SYNDIG1: variants seen among roughly 807,000 people sequenced by gnomAD.
The protein encoded by SYNDIG1 is synapse differentiation inducing 1.
SYNDIG1 carries 9 observed loss-of-function variants against 19.4 expected under a neutral mutation model. The observed-to-expected ratio is 0.46, with a 90% CI of 0.28 to 0.81. The LOEUF (loss-of-function observed/expected upper bound fraction) is 0.81, where lower values mean the gene tolerates loss of function less well. Among genes scored for constraint, SYNDIG1 ranks in the 30% least tolerant of loss-of-function variants. The probability of loss-of-function intolerance (pLI) is 0.12; values close to 1 mark genes in which losing one functional copy is unlikely to be tolerated. For synonymous variants in SYNDIG1, 141 were observed against 145.9 expected (o/e 0.97, Z 0.24); for missense variants, 311 against 343.3 (o/e 0.91, Z 0.74).
At chr20:24,576,638 C>T (rs933891145) in intron 2 of SYNDIG1, among the ~76,000 whole-genome samples, 2 of 152,322 alleles carry the variant, frequency 1.3e-5, no homozygotes, top group South Asian at 2.1e-4. Context: ...AAGGGAGTCA[C>T]AGACATGAAC....
intron 1 of SYNDIG1, among the ~76,000 whole-genome samples, chr20:24,481,463 G>A (rs1018311466): frequency 1.1e-4 from 17 of 152,174 alleles, no homozygotes; most frequent in East Asian, 3.8e-4. Context: ...TTCATATGCC[G>A]AGGCTTCTGC....
intron 1 of SYNDIG1, among the ~76,000 whole-genome samples, chr20:24,497,308 C>T (rs1472806955): frequency 1.3e-5 from 2 of 152,128 alleles, no homozygotes; most frequent in African/African-American, 4.8e-5. Flanking sequence ...TCGAGCAATT[C>T]TTGTGCCTTG....
chr20:24,590,160 G>A (rs908181420), intron 3 of SYNDIG1, among the ~76,000 whole-genome samples: 11 of 152,218 alleles, frequency 7.2e-5, no homozygotes, highest in African/African-American at 2.4e-4. Context: ...GGAGAGGATG[G>A]TGTCTTCTGA....
chr20:24,527,253 T>C (rs1178733658), intron 1 of SYNDIG1, among the ~76,000 whole-genome samples: 2 of 152,336 alleles, frequency 1.3e-5, no homozygotes, highest in East Asian at 3.9e-4. Flanking sequence ...GATTACATTT[T>C]TTTTCTTAGC....
chr20:24,579,767 C>T (rs2058292032), intron 2 of SYNDIG1, among the ~76,000 whole-genome samples: 1 of 152,200 alleles, frequency 6.6e-6, no homozygotes, highest in East Asian at 1.9e-4. Flanking sequence ...GCGTGAGATG[C>T]TCACCAGAGT....
intron 2 of SYNDIG1, among the ~76,000 whole-genome samples, chr20:24,552,613 T>G (rs1449107716): frequency 6.6e-6 from 1 of 152,126 alleles, no homozygotes; most frequent in Non-Finnish European, 1.5e-5. Context: ...TCCAATTTCA[T>G]CCATGTCCCT....
intron 3 of SYNDIG1, among the ~76,000 whole-genome samples, chr20:24,611,264 C>A (rs369816536): frequency 6.6e-6 from 1 of 152,162 alleles, no homozygotes; most frequent in Non-Finnish European, 1.5e-5. Flanking sequence ...GTTCTCATGA[C>A]CTGCCTCTTT....
chr20:24,605,973 C>T (rs1042965611), intron 3 of SYNDIG1, among the ~76,000 whole-genome samples: 2 of 152,318 alleles, frequency 1.3e-5, no homozygotes, highest in African/African-American at 2.4e-5. Context: ...AGCATGCCTC[C>T]GACAGTAAAG....
chr20:24,502,533 C>T (rs2146391624), intron 1 of SYNDIG1, among the ~76,000 whole-genome samples: 1 of 152,354 alleles, frequency 6.6e-6, no homozygotes, highest in Middle Eastern at 3.4e-3. Context: ...TCAGAATCCT[C>T]ACCCTTGAAT....
At chr20:24,486,837 T>C (rs1350166330) in intron 1 of SYNDIG1, among the ~76,000 whole-genome samples, 1 of 152,100 alleles carries the variant, frequency 6.6e-6, no homozygotes, top group African/African-American at 2.4e-5. Flanking sequence ...TTTTGTATTT[T>C]TAGTAGAGAC....
intron 3 of SYNDIG1, among the ~76,000 whole-genome samples, chr20:24,637,358 G>C (rs562454102): frequency 6.6e-6 from 1 of 152,054 alleles, no homozygotes. Context: ...TCCCTTCCAC[G>C]TCCCCTCCCT....
chr20:24,590,295 C>T (rs1480409701), intron 3 of SYNDIG1, among the ~76,000 whole-genome samples: 5 of 146,170 alleles, frequency 3.4e-5, no homozygotes, highest in African/African-American at 1.3e-4. Context: ...GGCTGGGGGC[C>T]GCGGGTGTGG....
chr20:24,513,797 A>G (rs188420750), intron 1 of SYNDIG1, among the ~76,000 whole-genome samples: 23 of 152,328 alleles, frequency 1.5e-4, no homozygotes, highest in African/African-American at 5.5e-4. Context: ...ACTCCTCAAA[A>G]AGAGCAACTC....
chr20:24,550,355 G>A (rs954653464), intron 2 of SYNDIG1, among the ~76,000 whole-genome samples: 1 of 152,144 alleles, frequency 6.6e-6, no homozygotes, highest in Non-Finnish European at 1.5e-5. Flanking sequence ...CAAGTAGTGG[G>A]GTTGCTGGAT....
chr20:24,661,555 A>AGGAGGGAGG (rs1568723474), intron 3 of SYNDIG1, among the ~76,000 whole-genome samples: 1 of 11,162 alleles, frequency 9.0e-5, no homozygotes. Flanking sequence ...GAGGGAGGAA[A>AGGAGGGAGG]AAAGAGAGGA....
At position 24,666,539 on chromosome 20, in the gene SYNDIG1, T is replaced by C. The variant is rs1365486760; in HGVS notation, c.*1035T>C. 1 of 152,696 alleles carries C rather than the reference T, an allele frequency of 6.5e-6. No homozygotes were observed. The highest frequency in any genetic ancestry group is 1.5e-5 in the Non-Finnish European group (1 of 68,046). The allele number at this position is 152,696 out of a possible 1,614,324, so 9.5% of individuals were successfully genotyped here. ...CACAGACATTTTAATACCATTTCAT[T>C]GCTGTTTTACGAGTGTTCATTACTT... On this transcript the variant is annotated 3_prime_UTR_variant, in exon 4 of 4. Coordinates refer to ENST00000376862, the MANE Select transcript of SYNDIG1 (RefSeq NM_024893.3).
chr20:24,545,557 C>T (rs762746826), intron 2 of SYNDIG1, among the ~76,000 whole-genome samples: 9 of 152,062 alleles, frequency 5.9e-5, no homozygotes, highest in Admixed American at 2.6e-4. Flanking sequence ...GAGCTCAATG[C>T]GGGGTTCAGA....
intron 1 of SYNDIG1, among the ~76,000 whole-genome samples, chr20:24,524,374 G>T (rs902864677): frequency 2.0e-5 from 3 of 152,150 alleles, no homozygotes; most frequent in Non-Finnish European, 4.4e-5. Flanking sequence ...GGCCGGCCAG[G>T]GTGGCTCACG....
At chr20:24,594,597 G>C (rs58698772) in intron 3 of SYNDIG1, among the ~76,000 whole-genome samples, 1 of 152,120 alleles carries the variant, frequency 6.6e-6, no homozygotes, top group African/African-American at 2.4e-5. Flanking sequence ...AATGGCACTA[G>C]ATCTGTAAGT....
Sources: allele counts gnomAD v4.1 joint callset (sites outside exome capture counted in the v4.1 genomes callset), GRCh38; gene constraint gnomAD v4.1.1; transcripts MANE v1.5; gene names NCBI Gene and HGNC (gene_info 2026-07-23, HGNC 2026-07-21).